Variants in MAP4K4 observed in about 807,000 individuals in gnomAD.
MAP4K4 encodes the protein HPK/GCK-like kinase HGK.
Under a neutral mutation model 189.6 loss-of-function variants are expected in MAP4K4, and 38 were observed. The ratio of observed to expected loss-of-function variants is 0.20; its 90% CI spans 0.15 to 0.26. MAP4K4 has a LOEUF of 0.26. MAP4K4 is among the 10% of genes least tolerant of loss of function. The pLI, the probability that MAP4K4 is intolerant of heterozygous loss-of-function variation, is 1.00. For synonymous variants in MAP4K4, 610 were observed against 624.3 expected, an observed-to-expected ratio of 0.98 and a Z score of 0.34; for missense variants, 1,054 against 1,726.9, an observed-to-expected ratio of 0.61 and a Z score of 6.91.
At chr2:101,766,797 C>T (rs1056397055) in intron 2 of MAP4K4, among the ~76,000 whole-genome samples, 3 of 152,038 alleles carry the variant, frequency 2.0e-5, no homozygotes, top group African/African-American at 4.8e-5. Context: ...TACTGGTGGA[C>T]GGTGTCCAGG....
intron 2 of MAP4K4, among the ~76,000 whole-genome samples, chr2:101,732,038 G>A (rs1450771262): frequency 6.6e-6 from 1 of 152,114 alleles, no homozygotes; most frequent in African/African-American, 2.4e-5. Flanking sequence ...GGGAGGTGAA[G>A]CTGGTTCTGC....
rs189418266 is a variant in MAP4K4 at position 101,848,299 on chromosome 2, T to C, written c.1233+3988T>C. On this transcript the variant is annotated intron_variant, in intron 12 of 32. Coordinates refer to ENST00000324219, the Ensembl canonical transcript of MAP4K4. ...ACCAAAAAAGTCTGTACAGATGCAG[T>C]GCTTTCAAATATTTTTTGACCCAAG... Among the ~76,000 whole-genome samples the C allele has an allele frequency of 1.6e-4, 24 of 152,348 alleles. No individual in the cohort carries two copies. The East Asian group carries it at 4.6e-3, about 29-fold the overall frequency.
chr2:101,705,126 C>T (rs1231810886), intron 2 of MAP4K4, among the ~76,000 whole-genome samples: 2 of 152,142 alleles, frequency 1.3e-5, no homozygotes, highest in Admixed American at 1.3e-4. Flanking sequence ...TGGACTCTTA[C>T]AAACTTTGTT....
At chr2:101,866,401 C>T (rs1239454073) in intron 18 of MAP4K4, 27 bp from the exon 19 acceptor site, 4 of 1,593,352 alleles carry the variant, frequency 2.5e-6, no homozygotes, top group Admixed American at 3.4e-5. Flanking sequence ...GACACATTAG[C>T]TGTTCTCTCT....
chr2:101,771,841 CCTT>C (rs764475656), intron 2 of MAP4K4, among the ~76,000 whole-genome samples: 2 of 152,306 alleles, frequency 1.3e-5, no homozygotes, highest in East Asian at 3.9e-4. Context: ...TACTCCCTGT[CCTT>C]CTTTAAATGG....
intron 10 of MAP4K4, among the ~76,000 whole-genome samples, chr2:101,841,229 C>T (rs2096909171): frequency 6.6e-6 from 1 of 152,130 alleles, no homozygotes; most frequent in African/African-American, 2.4e-5. Flanking sequence ...TTCCAGATAC[C>T]ATTAGCCTCT....
chr2:101,887,132 T>C (rs368448758), exon 30 of MAP4K4: 17 of 1,603,706 alleles, frequency 1.1e-5, no homozygotes, highest in Non-Finnish European at 1.4e-5. Flanking sequence ...TGGATCTCAC[T>C]GTTGAGGAAG....
At chr2:101,698,206 G>A (rs1174257014) in intron 1 of MAP4K4, 69 bp downstream of exon 1, 2 of 742,442 alleles carry the variant, frequency 2.7e-6, no homozygotes, top group East Asian at 2.6e-4. Context: ...GCCGCGCCCA[G>A]GTCGGCCGGG....
At chr2:101,723,223 A>G (rs1218656011) in intron 2 of MAP4K4, among the ~76,000 whole-genome samples, 1 of 152,210 alleles carries the variant, frequency 6.6e-6, no homozygotes, top group Non-Finnish European at 1.5e-5. Flanking sequence ...ACAATTCAAG[A>G]TGAGGTTTTG....
exon 1 of MAP4K4, chr2:101,698,093 T>C: frequency 7.6e-7 from 1 of 1,322,352 alleles, no homozygotes. Flanking sequence ...GGCGAACGAC[T>C]CCCCTGCAAA....
At chr2:101,716,209 C>T (rs762477004) in intron 2 of MAP4K4, among the ~76,000 whole-genome samples, 2 of 152,108 alleles carry the variant, frequency 1.3e-5, no homozygotes, top group Admixed American at 6.5e-5. Context: ...TTTGGGAGGC[C>T]GAGGTGGGCG....
chr2:101,834,127 T>C (rs897065742), intron 7 of MAP4K4, among the ~76,000 whole-genome samples: 1 of 151,928 alleles, frequency 6.6e-6, no homozygotes, highest in Non-Finnish European at 1.5e-5. Flanking sequence ...ATGTGAGTGG[T>C]TTTAATTAAA....
At chr2:101,731,190 C>T (rs1038877299) in intron 2 of MAP4K4, among the ~76,000 whole-genome samples, 5 of 151,830 alleles carry the variant, frequency 3.3e-5, no homozygotes, top group African/African-American at 1.2e-4. Context: ...GATCTCGGCT[C>T]ACTGCAACCT....
At chr2:101,885,059 C>T (rs1019369721) in intron 28 of MAP4K4, 128 bp from the exon 29 acceptor site, 3 of 461,264 alleles carry the variant, frequency 6.5e-6, no homozygotes, top group Middle Eastern at 1.1e-3. Flanking sequence ...TGAATTTTTC[C>T]CCTGCTTGTT....
At position 101,888,950 on chromosome 2, in the gene MAP4K4, A is replaced by G. The variant is rs773572287; in HGVS notation, c.4071+15A>G. 16 of 1,602,174 alleles carry G rather than the reference A, an allele frequency of 1.0e-5. No individual in the cohort carries two copies. The Admixed American group carries it at 2.3e-4, about 23-fold the overall frequency. On this transcript the variant is annotated intron_variant, in intron 32 of 32. Coordinates refer to ENST00000324219, the Ensembl canonical transcript of MAP4K4. Reference sequence around the variant, plus strand: ...GCAATGACAAGGTAATAGTTCCCTTATGGATTCTTTTTAGTTGCTCTATCT... The same window carrying G: ...GCAATGACAAGGTAATAGTTCCCTTGTGGATTCTTTTTAGTTGCTCTATCT...
intron 2 of MAP4K4, among the ~76,000 whole-genome samples, chr2:101,774,586 T>G (rs1269880903): frequency 6.6e-6 from 1 of 152,200 alleles, no homozygotes; most frequent in East Asian, 1.9e-4. Context: ...GTTTTGTCCA[T>G]TTTTCCTTTG....
At chr2:101,889,418 GACATA>G (rs1311784887) in intron 32 of MAP4K4, among the ~76,000 whole-genome samples, 1 of 152,084 alleles carries the variant, frequency 6.6e-6, no homozygotes, top group African/African-American at 2.4e-5. Context: ...ATCTTATGCA[GACATA>G]ACATACCTCC....
intron 2 of MAP4K4, among the ~76,000 whole-genome samples, chr2:101,703,629 A>AC (rs2040306469): frequency 6.6e-6 from 1 of 151,128 alleles, no homozygotes; most frequent in African/African-American, 2.4e-5. Flanking sequence ...AAAAAAAAAA[A>AC]AAAAAAAAAG....
intron 12 of MAP4K4, among the ~76,000 whole-genome samples, chr2:101,846,210 C>T (rs919359756): frequency 6.6e-6 from 1 of 152,176 alleles, no homozygotes; most frequent in Admixed American, 6.5e-5. Flanking sequence ...TGTTAAGACT[C>T]TTTTCAGTGT....
Sources: allele counts gnomAD v4.1 joint callset (sites outside exome capture counted in the v4.1 genomes callset), GRCh38; gene constraint gnomAD v4.1.1; transcripts MANE v1.5; gene names NCBI Gene and HGNC (gene_info 2026-07-23, HGNC 2026-07-21).